NOSIP: variants seen among roughly 807,000 people sequenced by gnomAD.
NOSIP encodes the protein nitric oxide synthase interacting protein, also known as nitric oxide synthase-interacting protein.
A neutral mutation model predicts 36.4 loss-of-function variants in NOSIP; 25 were observed. That is an observed-to-expected ratio of 0.69 (90% CI 0.50 to 0.96). The LOEUF is 0.96. NOSIP is among the 40% of genes least tolerant of loss of function. NOSIP has a pLI of 0.00. For missense variants in NOSIP, 370 were observed against 429.0 expected (o/e 0.86, Z 1.21); for synonymous variants, 187 against 179.2 (o/e 1.04, Z -0.35).
chr19:49,556,079 A>G (rs1211539835), intron 8 of NOSIP, among the ~76,000 whole-genome samples: 1 of 119,138 alleles, frequency 8.4e-6, no homozygotes, highest in Non-Finnish European at 1.7e-5. Flanking sequence ...GGAGGGCTGG[A>G]GGCAGGGAAG....
chr19:49,556,790 A>G, intron 6 of NOSIP, 54 bp from the exon 7 acceptor site: 1 of 1,588,178 alleles, frequency 6.3e-7, no homozygotes, highest in Non-Finnish European at 8.6e-7. Flanking sequence ...GCAGGTGGAG[A>G]GCGCGTGGTC....
At chr19:49,561,196 G>A (rs11879685) in intron 1 of NOSIP, among the ~76,000 whole-genome samples, 16,461 of 152,068 alleles carry the variant, frequency 0.11, 2,360 homozygotes, top group African/African-American at 0.32. Context: ...TGACCCAATC[G>A]CTGCCTGCCA....
intron 1 of NOSIP, among the ~76,000 whole-genome samples, chr19:49,565,806 C>G (rs1273835865): frequency 1.3e-5 from 2 of 151,622 alleles, no homozygotes; most frequent in Non-Finnish European, 1.5e-5. Context: ...CGGGGGAACC[C>G]CCACTCCATC....
intron 1 of NOSIP, among the ~76,000 whole-genome samples, chr19:49,564,407 T>C (rs1363896714): frequency 2.4e-5 from 3 of 123,286 alleles, no homozygotes; most frequent in African/African-American, 9.7e-5. Context: ...TGAGCCAAGA[T>C]CACGCCACGG....
At position 49,556,438 on chromosome 19, in the gene NOSIP, C is replaced by T. The variant is rs779933869; in HGVS notation, c.726-13G>A. 6.2e-7 allele frequency: 1 copy of T among 1,610,994 alleles called. No individual in the cohort carries two copies. Among genetic ancestry groups the T allele is most frequent in the South Asian group, 1.1e-5 (1 of 90,958 alleles). ...GACCACAGCCCCACTACGGTGAGGC[C>T]GAAGGCGGGAGACTCTGATCAGGGG... On this transcript the variant is annotated splice_polypyrimidine_tract_variant and intron_variant, in intron 7 of 8. Transcript: ENST00000596358.
At chr19:49,564,453 C>CAAAAAAAAAAAA (rs1011453088) in intron 1 of NOSIP, among the ~76,000 whole-genome samples, 30 of 42,520 alleles carry the variant, frequency 7.1e-4, no homozygotes, top group Non-Finnish European at 8.8e-4. Flanking sequence ...GACTCCATCT[C>CAAAAAAAAAAAA]AAAAAAAAAA....
intron 1 of NOSIP, among the ~76,000 whole-genome samples, chr19:49,571,467 G>C (rs2080483344): frequency 6.6e-6 from 1 of 152,152 alleles, no homozygotes; most frequent in African/African-American, 2.4e-5. Context: ...AAAGCAGACT[G>C]CTGCCATCTG....
chr19:49,566,771 A>T (rs912203440), intron 1 of NOSIP: 1 of 146,994 alleles, frequency 6.8e-6, no homozygotes, highest in African/African-American at 2.7e-5. Flanking sequence ...GACCAGCCTT[A>T]AAAATATAAA....
At chr19:49,571,570 C>G (rs895591427) in intron 1 of NOSIP, among the ~76,000 whole-genome samples, 1 of 152,170 alleles carries the variant, frequency 6.6e-6, no homozygotes, top group African/African-American at 2.4e-5. Flanking sequence ...AACAGGCTCA[C>G]AGCATGTCCC....
At chr19:49,563,820 C>G (rs574308825) in intron 1 of NOSIP, among the ~76,000 whole-genome samples, 1 of 152,164 alleles carries the variant, frequency 6.6e-6, no homozygotes, top group African/African-American at 2.4e-5. Flanking sequence ...TAGTGATCAC[C>G]CTGTTATATG....
chr19:49,575,024 G>A (rs192444963), intron 1 of NOSIP, among the ~76,000 whole-genome samples: 25 of 152,134 alleles, frequency 1.6e-4, no homozygotes, highest in African/African-American at 4.3e-4. Context: ...CACCATGCCC[G>A]GCTAATTTTT....
chr19:49,560,577 C>T lies in NOSIP; in HGVS notation c.70+45G>A. 6.7e-7 allele frequency: 1 copy of T among 1,485,080 alleles called. No homozygotes were observed. Among genetic ancestry groups the T allele is most frequent in the South Asian group, 1.2e-5 (1 of 82,930 alleles). 92.0% of individuals were successfully genotyped at this position (1,485,080 alleles called of 1,614,324 possible). A position where few individuals can be genotyped will look rare whatever the true frequency, so the allele number is the denominator to read the frequency against. ...TGGGGCACGAGGGGAGAGGGTGACT[C>T]CAAGACACAGCCATGTCCCGCCTCT... On this transcript the variant is annotated intron_variant, in intron 2 of 8. Transcript: ENST00000596358. This position sits in a 1 kb window ranked among gnomAD's most constrained non-coding sequence, Gnocchi z 4.6.
rs759059897 is a variant in NOSIP at position 49,557,143 on chromosome 19, A to ACGATAGC, written c.358_364dup (p.Val122GlyfsTer22). On this transcript the variant is annotated frameshift_variant, in exon 5 of 9. Transcript: ENST00000596358. LOFTEE classifies it high-confidence loss of function. ...TGTGAAAGGGTTGAGGGGCCGGCTCACGATAGCCGACTCCTTCTCCAGGAA... is the reference window on the plus strand; with the variant it reads ...TGTGAAAGGGTTGAGGGGCCGGCTCACGATAGCCGATAGCCGACTCCTTCTCCAGGAA... 10 of 1,612,230 alleles carry ACGATAGC rather than the reference A, an allele frequency of 6.2e-6. No homozygotes were observed. The Admixed American group carries it at 1.2e-4, about 19-fold the overall frequency.
chr19:49,560,183 C>G lies in NOSIP; in HGVS notation c.71-144G>C. Reference sequence around the variant, plus strand: ...GAAACAGGCAGTTGGGAGCCGCTGCCTGTGTGCTGGGGCCACGGGCTGAAC... The same window carrying G: ...GAAACAGGCAGTTGGGAGCCGCTGCGTGTGTGCTGGGGCCACGGGCTGAAC... On this transcript the variant is annotated intron_variant, in intron 2 of 8. Coordinates refer to ENST00000596358, the MANE Select transcript of NOSIP (RefSeq NM_001270960.2). This position sits in a 1 kb window ranked among gnomAD's most constrained non-coding sequence, Gnocchi z 4.6. 1 of 632,214 alleles carries G rather than the reference C, an allele frequency of 1.6e-6. No homozygotes were observed. The highest frequency in any genetic ancestry group is 2.8e-6 in the Non-Finnish European group (1 of 356,642). The allele number at this position is 632,214 out of a possible 1,614,324, so 39.2% of individuals were successfully genotyped here.
At chr19:49,570,734 A>C (rs531163244) in intron 1 of NOSIP, among the ~76,000 whole-genome samples, 1 of 151,752 alleles carries the variant, frequency 6.6e-6, no homozygotes, top group Admixed American at 6.6e-5. Flanking sequence ...TCCGCTCCCC[A>C]GCCCCCACAA....
rs556539069 is a variant in NOSIP at position 49,557,626 on chromosome 19, C to T, written c.259-377G>A. On this transcript the variant is annotated intron_variant, in intron 4 of 8. Transcript: ENST00000596358. ...ACTCAGCTAAGCATTTAATTAATGTCACCTGCTGGCCAATTAAGTTTTCTA... is the reference window on the plus strand; with the variant it reads ...ACTCAGCTAAGCATTTAATTAATGTTACCTGCTGGCCAATTAAGTTTTCTA... The T allele has an allele frequency of 1.0e-5, 11 of 1,100,040 alleles. No homozygotes were observed. The East Asian group carries it at 4.1e-4, about 41-fold the overall frequency. 68.1% of individuals were successfully genotyped at this position (1,100,040 alleles called of 1,614,324 possible).
intron 1 of NOSIP, among the ~76,000 whole-genome samples, chr19:49,574,001 A>G (rs980475002): frequency 6.6e-6 from 1 of 151,856 alleles, no homozygotes; most frequent in Non-Finnish European, 1.5e-5. Context: ...CTGGGATTAC[A>G]AGCACACACC....
intron 8 of NOSIP, among the ~76,000 whole-genome samples, chr19:49,556,094 G>GGGGCCTTGAAAATAGGGCAGGGGCA (rs1568719413): frequency 1.7e-5 from 2 of 116,772 alleles, no homozygotes; most frequent in East Asian, 2.7e-4. Context: ...GGGAAGGGGC[G>GGGGCCTTGAAAATAGGGCAGGGGCA]GGGCCTTGAA....
chr19:49,557,147 T>A lies in NOSIP; in HGVS notation c.361A>T (p.Ile121Phe), dbSNP rs754347770. ...VRGFLEKESA[I>F]VSRPLNPFTA... ...AAAGGGTTGAGGGGCCGGCTCACGATAGCCGACTCCTTCTCCAGGAAGCCC... is the reference window on the plus strand; with the variant it reads ...AAAGGGTTGAGGGGCCGGCTCACGAAAGCCGACTCCTTCTCCAGGAAGCCC... The change falls in exon 5 of 9, where the codon ATC (isoleucine) becomes TTC (phenylalanine). Residue 121 changes from isoleucine to phenylalanine, a missense_variant. Around this residue, in one of 3 missense-constraint regions of NOSIP, gnomAD observed 315 missense variants for 331.9 expected, o/e 0.95. Transcript: ENST00000596358. The A allele has an allele frequency of 1.9e-6, 3 of 1,612,442 alleles. No homozygotes were observed. The highest frequency in any genetic ancestry group is 2.2e-5 in the East Asian group (1 of 44,804).
Sources: gnomAD v4.1 joint callset for allele counts (sites outside exome capture counted in the v4.1 genomes callset) on GRCh38, gnomAD v4.1.1 for gene constraint, gnomAD v4.1.1 regional missense constraint, Gnocchi (gnomAD v3.1) non-coding constraint, MANE v1.5 for transcripts, NCBI Gene and HGNC (gene_info 2026-07-23, HGNC 2026-07-21) for gene names.